The following CDC42SE2 variants were observed in gnomAD, a reference collection of about 807,000 sequenced individuals.
CDC42SE2 encodes the protein CDC42 small effector 2, also known as CDC42 small effector protein 2.
Under a neutral mutation model 11.5 loss-of-function variants are expected in CDC42SE2, and 3 were observed. The observed-to-expected ratio is 0.26, with a 90% CI of 0.12 to 0.67. CDC42SE2 has a LOEUF of 0.67. Among genes scored for constraint, CDC42SE2 ranks in the 30% least tolerant of loss-of-function variants. The probability of loss-of-function intolerance (pLI) is 0.80; values close to 1 mark genes in which losing one functional copy is unlikely to be tolerated. For missense variants in CDC42SE2, 82 were observed against 106.8 expected, an observed-to-expected ratio of 0.77 and a Z score of 1.02; for synonymous variants, 33 against 34.8, an observed-to-expected ratio of 0.95 and a Z score of 0.18.
intron 2 of CDC42SE2, among the ~76,000 whole-genome samples, chr5:131,318,237 C>T (rs1056417051): frequency 2.6e-5 from 4 of 152,146 alleles, no homozygotes; most frequent in African/African-American, 9.7e-5. Context: ...CCATGCCCAA[C>T]CAGGAGAATA....
chr5:131,348,965 C>T (rs1758927640), intron 2 of CDC42SE2, among the ~76,000 whole-genome samples: 1 of 152,120 alleles, frequency 6.6e-6, no homozygotes, highest in Non-Finnish European at 1.5e-5. Context: ...GGATCCCTTC[C>T]CTACACCCTA....
At chr5:131,305,556 C>T (rs1447601037) in intron 1 of CDC42SE2, among the ~76,000 whole-genome samples, 1 of 152,158 alleles carries the variant, frequency 6.6e-6, no homozygotes, top group Non-Finnish European at 1.5e-5. Context: ...TGTTTATTGT[C>T]TTCTTTTGAG....
chr5:131,366,936 G>A (rs1749874220), intron 3 of CDC42SE2, among the ~76,000 whole-genome samples: 1 of 152,014 alleles, frequency 6.6e-6, no homozygotes, highest in South Asian at 2.1e-4. Context: ...GCTGAGGTAG[G>A]AGGATTGCTT....
intron 2 of CDC42SE2, among the ~76,000 whole-genome samples, chr5:131,332,520 C>A (rs1758443305): frequency 6.6e-6 from 1 of 152,006 alleles, no homozygotes; most frequent in Non-Finnish European, 1.5e-5. Flanking sequence ...ATTTCTAGTT[C>A]TAGATCCCTG....
At chr5:131,337,482 A>C (rs1187049602) in intron 2 of CDC42SE2, among the ~76,000 whole-genome samples, 2 of 151,896 alleles carry the variant, frequency 1.3e-5, no homozygotes, top group African/African-American at 4.8e-5. Flanking sequence ...GAAAACCACT[A>C]CTCTCTTCAA....
At chr5:131,341,706 A>T (rs1758715258) in intron 2 of CDC42SE2, among the ~76,000 whole-genome samples, 1 of 152,202 alleles carries the variant, frequency 6.6e-6, no homozygotes, top group Non-Finnish European at 1.5e-5. Context: ...TACAGATCTG[A>T]TATAGGTACA....
upstream of CDC42SE2, among the ~76,000 whole-genome samples, chr5:131,242,503 C>T (rs1422946853): frequency 6.6e-6 from 1 of 152,024 alleles, no homozygotes; most frequent in African/African-American, 2.4e-5. Flanking sequence ...TTTATGACTC[C>T]TTTTTTTCAT....
chr5:131,365,288 C>CT (rs1277209536), intron 3 of CDC42SE2, among the ~76,000 whole-genome samples: 1 of 150,924 alleles, frequency 6.6e-6, no homozygotes, highest in Non-Finnish European at 1.5e-5. Flanking sequence ...GAGTGAGACT[C>CT]TGTCTCAAAA....
intron 1 of CDC42SE2, among the ~76,000 whole-genome samples, chr5:131,272,715 A>T (rs1757019402): frequency 1.3e-5 from 2 of 152,134 alleles, no homozygotes; most frequent in Non-Finnish European, 1.5e-5. Context: ...CAAATGCCAC[A>T]TCTTCCTTTA....
At chr5:131,312,396 T>C (rs1580747548) in intron 1 of CDC42SE2, among the ~76,000 whole-genome samples, 1 of 152,310 alleles carries the variant, frequency 6.6e-6, no homozygotes, top group East Asian at 1.9e-4. Flanking sequence ...GCTTTTTGTT[T>C]GTCTGTGCCC....
chr5:131,320,236 A>G (rs945577335), intron 2 of CDC42SE2, among the ~76,000 whole-genome samples: 12 of 148,952 alleles, frequency 8.1e-5, no homozygotes, highest in African/African-American at 3.0e-4. Context: ...AATAGAAAAA[A>G]AAAAATTAAG....
At chr5:131,266,954 CTT>C (rs34496996) in intron 1 of CDC42SE2, among the ~76,000 whole-genome samples, 6,079 of 69,574 alleles carry the variant, frequency 0.087, 275 homozygotes, top group African/African-American at 0.23. Flanking sequence ...AAGTGTTTGG[CTT>C]TTTTTTTTTT....
chr5:131,355,423 G>A (rs964775673), intron 2 of CDC42SE2, among the ~76,000 whole-genome samples: 1 of 151,862 alleles, frequency 6.6e-6, no homozygotes, highest in Non-Finnish European at 1.5e-5. Flanking sequence ...GCTGCAGTGA[G>A]CCAGGATTGC....
the CDC42SE2 span, among the ~76,000 whole-genome samples, chr5:131,216,518 A>AACAAAAC: frequency 6.8e-5 from 10 of 146,100 alleles, no homozygotes; most frequent in African/African-American, 2.7e-4. Flanking sequence ...AAAAAAAAAA[A>AACAAAAC]AAAACATTAT....
chr5:131,295,567 A>G (rs1757553892), intron 1 of CDC42SE2, among the ~76,000 whole-genome samples: 1 of 152,212 alleles, frequency 6.6e-6, no homozygotes, highest in Admixed American at 6.5e-5. Flanking sequence ...AAGTATATAT[A>G]GTATTTTTAT....
chr5:131,278,679 A>AT (rs1393418990), intron 1 of CDC42SE2, among the ~76,000 whole-genome samples: 1 of 131,176 alleles, frequency 7.6e-6, no homozygotes, highest in East Asian at 2.5e-4. Flanking sequence ...GACAAAAAAA[A>AT]TGCTTGAATA....
At chr5:131,310,906 G>C (rs990659236) in intron 1 of CDC42SE2, among the ~76,000 whole-genome samples, 4 of 152,048 alleles carry the variant, frequency 2.6e-5, no homozygotes, top group Middle Eastern at 3.4e-3. Context: ...CAATTTGCCA[G>C]TCTGTCTTTT....
intron 1 of CDC42SE2, among the ~76,000 whole-genome samples, chr5:131,301,757 CAA>C (rs776546882): frequency 4.7e-5 from 5 of 106,426 alleles, no homozygotes; most frequent in African/African-American, 6.9e-5. Context: ...GACTCCGTCT[CAA>C]AAAAAAAAAA....
the CDC42SE2 span, among the ~76,000 whole-genome samples, chr5:131,226,898 C>G: frequency 6.6e-6 from 1 of 152,166 alleles, no homozygotes; most frequent in Non-Finnish European, 1.5e-5. Context: ...CAAATAAATG[C>G]TCTCACTGGT....
Sources: allele counts gnomAD v4.1 joint callset (sites outside exome capture counted in the v4.1 genomes callset), GRCh38; gene constraint gnomAD v4.1.1; transcripts MANE v1.5; gene names NCBI Gene and HGNC (gene_info 2026-07-23, HGNC 2026-07-21).